The following SLC35D1 variants were observed in gnomAD, a reference collection of about 807,000 sequenced individuals.
The protein encoded by SLC35D1 is solute carrier family 35 member D1, also known as nucleotide sugar transporter SLC35D1.
Under a neutral mutation model 46.7 loss-of-function variants are expected in SLC35D1, and 31 were observed. The ratio of observed to expected loss-of-function variants is 0.66; its 90% CI spans 0.50 to 0.90. The LOEUF (loss-of-function observed/expected upper bound fraction) is 0.90. SLC35D1 is among the 40% of genes least tolerant of loss of function. SLC35D1 has a pLI of 0.00. For synonymous variants in SLC35D1, 195 were observed against 164.6 expected (o/e 1.18, Z -1.41); for missense variants, 397 against 426.2 (o/e 0.93, Z 0.60).
chr1:66,982,080 G>T, the SLC35D1 span, among the ~76,000 whole-genome samples: 1 of 152,122 alleles, frequency 6.6e-6, no homozygotes, highest in Non-Finnish European at 1.5e-5. Context: ...TATACTAACA[G>T]AATACAAAGT....
chr1:67,039,679 A>G (rs1470843435), intron 8 of SLC35D1, among the ~76,000 whole-genome samples: 2 of 152,198 alleles, frequency 1.3e-5, no homozygotes, highest in African/African-American at 4.8e-5. Context: ...CCCCCATTCA[A>G]AGTGGGTCAG....
intron 8 of SLC35D1, among the ~76,000 whole-genome samples, chr1:67,027,558 G>A (rs1667938901): frequency 6.6e-6 from 1 of 152,108 alleles, no homozygotes; most frequent in Admixed American, 6.5e-5. Context: ...ACAGGCATGA[G>A]CCACCTCATC....
chr1:67,019,040 G>A (rs919088964), intron 10 of SLC35D1, among the ~76,000 whole-genome samples: 2 of 152,134 alleles, frequency 1.3e-5, no homozygotes, highest in African/African-American at 2.4e-5. Context: ...ACTACTGTGA[G>A]GAGAAACATA....
At chr1:67,004,606 G>T (rs897462858) in intron 11 of SLC35D1, among the ~76,000 whole-genome samples, 158 bp from the exon 12 acceptor site, 1 of 152,128 alleles carries the variant, frequency 6.6e-6, no homozygotes, top group African/African-American at 2.4e-5. Flanking sequence ...CATTAAAATG[G>T]TATAAAATAT....
At chr1:67,008,536 A>C in intron 11 of SLC35D1, 1 of 1,056,670 alleles carries the variant, frequency 9.5e-7, no homozygotes, top group Non-Finnish European at 1.3e-6. Context: ...GAACGTGCCG[A>C]ACTGCTTCCA....
At chr1:66,998,366 G>A (rs1667268276), downstream of SLC35D1, among the ~76,000 whole-genome samples, 1 of 152,098 alleles carries the variant, frequency 6.6e-6, no homozygotes, top group Non-Finnish European at 1.5e-5. Flanking sequence ...GTGCATGCCT[G>A]TAATCCCAGT....
chr1:66,983,598 CT>C, the SLC35D1 span, among the ~76,000 whole-genome samples: 41 of 151,748 alleles, frequency 2.7e-4, 1 homozygote, highest in South Asian at 8.3e-3. Flanking sequence ...TTTGTATTTA[CT>C]TTTTAAGTAA....
At chr1:67,039,421 T>A (rs1285440891) in intron 8 of SLC35D1, among the ~76,000 whole-genome samples, 3 of 152,118 alleles carry the variant, frequency 2.0e-5, no homozygotes, top group Non-Finnish European at 4.4e-5. Context: ...CTTACCCTGT[T>A]CCCACAATAT....
intron 10 of SLC35D1, among the ~76,000 whole-genome samples, chr1:67,016,461 T>G (rs1356092837): frequency 6.6e-6 from 1 of 152,064 alleles, no homozygotes; most frequent in Non-Finnish European, 1.5e-5. Context: ...GTAAAAACTT[T>G]CAGTATTCTA....
At chr1:67,029,997 G>C (rs1181023336) in intron 8 of SLC35D1, among the ~76,000 whole-genome samples, 1 of 151,442 alleles carries the variant, frequency 6.6e-6, no homozygotes, top group Non-Finnish European at 1.5e-5. Context: ...TAACTCATTA[G>C]CTTTGCACTA....
chr1:67,016,920 T>C (rs1051162811), intron 10 of SLC35D1, among the ~76,000 whole-genome samples: 5 of 152,182 alleles, frequency 3.3e-5, no homozygotes, highest in Admixed American at 2.0e-4. Context: ...AGTTCCTTTA[T>C]AAGTTTCCTG....
the SLC35D1 span, among the ~76,000 whole-genome samples, chr1:66,975,990 T>TGTG: frequency 4.7e-4 from 71 of 151,754 alleles, no homozygotes; most frequent in South Asian, 7.1e-3. Context: ...GGCCTTTTTT[T>TGTG]TGTGTGTGTG....
intron 7 of SLC35D1, among the ~76,000 whole-genome samples, chr1:67,044,814 C>T (rs1343343084): frequency 3.9e-5 from 6 of 152,194 alleles, no homozygotes; most frequent in African/African-American, 1.4e-4. Context: ...CTGATATTAT[C>T]AGTAATAAAA....
intron 11 of SLC35D1, among the ~76,000 whole-genome samples, chr1:67,005,488 C>A (rs1436207837): frequency 6.6e-6 from 1 of 152,166 alleles, no homozygotes; most frequent in African/African-American, 2.4e-5. Flanking sequence ...CTCTGAGACT[C>A]CAATCAACCC....
At chr1:67,031,586 A>AT (rs1188828632) in intron 8 of SLC35D1, among the ~76,000 whole-genome samples, 24 of 151,704 alleles carry the variant, frequency 1.6e-4, no homozygotes, top group Middle Eastern at 3.4e-3. Context: ...CATGTTCTCA[A>AT]TTTTTTTTTC....
chr1:67,041,645 A>C (rs1269168493), intron 8 of SLC35D1, among the ~76,000 whole-genome samples: 5 of 152,236 alleles, frequency 3.3e-5, no homozygotes, highest in African/African-American at 9.6e-5. Flanking sequence ...GTTTTAAAGA[A>C]AAATTCTTCT....
chr1:67,004,469 A>G, intron 11 of SLC35D1, 21 bp from the exon 12 acceptor site: 1 of 1,605,110 alleles, frequency 6.2e-7, no homozygotes, highest in Non-Finnish European at 8.5e-7. Flanking sequence ...GAAAGCCACT[A>G]TCAGAGATGG....
intron 10 of SLC35D1, among the ~76,000 whole-genome samples, chr1:67,012,545 C>CAAAAAAA (rs10674963): frequency 1.5e-4 from 15 of 103,160 alleles, no homozygotes; most frequent in Admixed American, 2.4e-4. Flanking sequence ...ACTCCTAAAT[C>CAAAAAAA]AAAAAAAAAA....
At chr1:67,051,983 C>T (rs1645313952) in intron 4 of SLC35D1, 29 bp downstream of exon 4, 1 of 1,406,604 alleles carries the variant, frequency 7.1e-7, no homozygotes, top group Non-Finnish European at 1.0e-6. Flanking sequence ...ATTATATTAA[C>T]CTCACTAGTA....
Sources: allele counts gnomAD v4.1 joint callset (sites outside exome capture counted in the v4.1 genomes callset), GRCh38; gene constraint gnomAD v4.1.1; transcripts MANE v1.5; gene names NCBI Gene and HGNC (gene_info 2026-07-23, HGNC 2026-07-21).